TMEM132B: variants seen among roughly 807,000 people sequenced by gnomAD.
TMEM132B encodes transmembrane protein 132B.
TMEM132B carries 18 observed loss-of-function variants against 90.8 expected under a neutral mutation model. The ratio of observed to expected loss-of-function variants is 0.20; its 90% CI spans 0.14 to 0.29. The LOEUF (loss-of-function observed/expected upper bound fraction) is 0.29, where lower values mean the gene tolerates loss of function less well. TMEM132B is among the 10% of genes least tolerant of loss of function. TMEM132B has a pLI of 1.00. For synonymous variants in TMEM132B, 504 were observed against 523.3 expected (o/e 0.96, Z 0.50); for missense variants, 1,096 against 1,326.8 (o/e 0.83, Z 2.70).
chr12:125,363,647 A>G (rs1878031425), intron 2 of TMEM132B, among the ~76,000 whole-genome samples: 1 of 152,094 alleles, frequency 6.6e-6, no homozygotes, highest in African/African-American at 2.4e-5. Context: ...TGTGCTTTTT[A>G]TCCATCCGTC....
At chr12:125,603,494 A>T (rs1885617341) in intron 5 of TMEM132B, among the ~76,000 whole-genome samples, 4 of 152,216 alleles carry the variant, frequency 2.6e-5, no homozygotes, top group Admixed American at 2.6e-4. Context: ...AAACCATAAA[A>T]ACCCCACAAG....
chr12:125,238,377 C>T (rs11058098), intron 1 of TMEM132B, among the ~76,000 whole-genome samples: 1 of 129,538 alleles, frequency 7.7e-6, no homozygotes, highest in Non-Finnish European at 1.7e-5. Context: ...AAAAAAAAAA[C>T]AAAAAAAAAC....
At chr12:125,275,940 C>G (rs549939434) in intron 1 of TMEM132B, among the ~76,000 whole-genome samples, 1 of 152,282 alleles carries the variant, frequency 6.6e-6, no homozygotes, top group African/African-American at 2.4e-5. Context: ...TCTTGAACTC[C>G]TGGGCTTAAG....
chr12:125,439,576 T>A (rs1038906411), intron 3 of TMEM132B, among the ~76,000 whole-genome samples: 2 of 152,322 alleles, frequency 1.3e-5, no homozygotes, highest in Admixed American at 6.5e-5. Context: ...GGGCTGAGAT[T>A]ATGATGTTTT....
chr12:125,584,211 G>T, intron 5 of TMEM132B: 1 of 602,420 alleles, frequency 1.7e-6, no homozygotes, highest in East Asian at 2.9e-5. Context: ...CTGGAAAGGG[G>T]AATCCCTGAC....
At chr12:125,232,975 G>A (rs538778786) in intron 1 of TMEM132B, among the ~76,000 whole-genome samples, 1 of 152,284 alleles carries the variant, frequency 6.6e-6, no homozygotes, top group South Asian at 2.1e-4. Flanking sequence ...TGGATCAGAT[G>A]GTCTTCAAGA....
chr12:125,352,653 G>T (rs144355366), intron 2 of TMEM132B, among the ~76,000 whole-genome samples: 108 of 152,350 alleles, frequency 7.1e-4, no homozygotes, highest in African/African-American at 2.5e-3. Flanking sequence ...GCCTATTGTT[G>T]TTTCCCTGGC....
At chr12:125,422,911 A>G (rs551144593) in intron 3 of TMEM132B, among the ~76,000 whole-genome samples, 3 of 152,308 alleles carry the variant, frequency 2.0e-5, no homozygotes, top group East Asian at 3.9e-4. Context: ...TAAGCCAACA[A>G]GTCTGAGAGG....
At chr12:125,266,349 TCTG>T (rs1418286374) in intron 1 of TMEM132B, among the ~76,000 whole-genome samples, 1 of 152,246 alleles carries the variant, frequency 6.6e-6, no homozygotes, top group African/African-American at 2.4e-5. Context: ...TTTGCCAAGG[TCTG>T]CTGTTGAGCA....
At chr12:125,636,215 A>G (rs896217372) in intron 5 of TMEM132B, among the ~76,000 whole-genome samples, 4 of 152,138 alleles carry the variant, frequency 2.6e-5, no homozygotes, top group African/African-American at 7.2e-5. Flanking sequence ...GGAGCCTTCT[A>G]TTTTACCATC....
intron 4 of TMEM132B, among the ~76,000 whole-genome samples, chr12:125,581,330 G>C (rs1378762140): frequency 6.6e-6 from 1 of 152,286 alleles, no homozygotes; most frequent in East Asian, 1.9e-4. Context: ...ACTAACTTTA[G>C]TAAAACAGTT....
At chr12:125,434,650 G>T (rs538069265) in intron 3 of TMEM132B, among the ~76,000 whole-genome samples, 1 of 152,194 alleles carries the variant, frequency 6.6e-6, no homozygotes, top group African/African-American at 2.4e-5. Context: ...GCGTTCCATC[G>T]AGGGGTCTCC....
At chr12:125,189,368 GTCTA>G (rs1401143388) in intron 1 of TMEM132B, among the ~76,000 whole-genome samples, 2 of 152,140 alleles carry the variant, frequency 1.3e-5, no homozygotes, top group Non-Finnish European at 2.9e-5. Flanking sequence ...GGGGTCTAGG[GTCTA>G]TGAAATCAGG....
At chr12:125,633,320 C>T (rs893266778) in intron 5 of TMEM132B, among the ~76,000 whole-genome samples, 2 of 152,104 alleles carry the variant, frequency 1.3e-5, no homozygotes, top group Non-Finnish European at 2.9e-5. Flanking sequence ...ATTCTGAATT[C>T]CTTCTCTGTG....
intron 2 of TMEM132B, among the ~76,000 whole-genome samples, chr12:125,403,045 A>T (rs1159347948): frequency 6.6e-6 from 1 of 152,204 alleles, no homozygotes. Flanking sequence ...CCAAATAAAC[A>T]GATTTTTAGC....
chr12:125,603,074 A>G (rs180916770), intron 5 of TMEM132B, among the ~76,000 whole-genome samples: 2 of 152,326 alleles, frequency 1.3e-5, no homozygotes, highest in East Asian at 1.9e-4. Context: ...TCAAACTACC[A>G]TTTACATTCT....
chr12:125,403,278 C>T (rs1386828504), intron 2 of TMEM132B, among the ~76,000 whole-genome samples: 2 of 152,220 alleles, frequency 1.3e-5, no homozygotes, highest in South Asian at 2.1e-4. Context: ...CCCTCCTCCC[C>T]TCTGGCTGGT....
At chr12:125,544,839 C>G (rs540713271) in intron 4 of TMEM132B, among the ~76,000 whole-genome samples, 1 of 152,188 alleles carries the variant, frequency 6.6e-6, no homozygotes, top group East Asian at 1.9e-4. Context: ...GATGACTTTG[C>G]AGACATCTTG....
At chr12:125,617,760 CG>C (rs1451761150) in intron 5 of TMEM132B, among the ~76,000 whole-genome samples, 1 of 152,046 alleles carries the variant, frequency 6.6e-6, no homozygotes, top group Admixed American at 6.6e-5. Context: ...AATAATGCCC[CG>C]GGGCATAAGT....
Sources: allele counts gnomAD v4.1 joint callset (sites outside exome capture counted in the v4.1 genomes callset), GRCh38; gene constraint gnomAD v4.1.1; transcripts MANE v1.5; gene names NCBI Gene and HGNC (gene_info 2026-07-23, HGNC 2026-07-21).